The following FBXL13 variants were observed in gnomAD, a reference collection of about 807,000 sequenced individuals.
FBXL13 encodes the protein F-box and leucine-rich repeat protein 13.
A neutral mutation model predicts 83.6 loss-of-function variants in FBXL13; 67 were observed. That is an observed-to-expected ratio of 0.80 (90% CI 0.66 to 0.98). The LOEUF is 0.98. Among genes scored for constraint, FBXL13 ranks in the 50% least tolerant of loss-of-function variants. FBXL13 has a pLI of 0.00. For synonymous variants in FBXL13, 272 were observed against 299.5 expected, an observed-to-expected ratio of 0.91 and a Z score of 0.95; for missense variants, 822 against 866.5, an observed-to-expected ratio of 0.95 and a Z score of 0.64.
chr7:103,074,777 A>T, upstream of FBXL13: 1 of 1,289,274 alleles, frequency 7.8e-7, no homozygotes, highest in Non-Finnish European at 1.0e-6. Flanking sequence ...CCATGGCCCA[A>T]GGCCTGACGG....
rs181449781 is a variant in FBXL13 at position 102,882,066 on chromosome 7, G to A, written c.1388+1239C>T. ...ACCTGAAGCCAGGACTTTGAGACCT[G>A]CCTGGGCAATCTAGTGAGACCCCGA... On this transcript the variant is annotated intron_variant, in intron 14 of 19. Coordinates refer to ENST00000313221, the Ensembl canonical transcript of FBXL13. Among the ~76,000 whole-genome samples the A allele has an allele frequency of 3.5e-3, 536 of 152,240 alleles. 3 individuals are homozygous for A. The highest frequency in any genetic ancestry group is 0.012 in the African/African-American group (507 of 41,532).
chr7:103,002,476 G>T lies in FBXL13; in HGVS notation c.495+22587C>A, dbSNP rs559939241. On this transcript the variant is annotated intron_variant, in intron 6 of 19. Transcript: ENST00000313221. ...CACACTATTAGAAGATTTTGAATTT[G>T]TCTGAATACTTACTTTTGCCAGTGA... Among the ~76,000 whole-genome samples the T allele has an allele frequency of 2.0e-5, 3 of 152,260 alleles. No homozygotes were observed. The East Asian group carries it at 5.8e-4, about 29-fold the overall frequency.
downstream of FBXL13, among the ~76,000 whole-genome samples, chr7:102,811,211 C>CA (rs1797413185): frequency 1.3e-5 from 2 of 152,142 alleles, no homozygotes; most frequent in African/African-American, 2.4e-5. Flanking sequence ...CAGCAGTCAA[C>CA]TATATTTAAA....
chr7:103,044,338 T>C (rs570443573), intron 2 of FBXL13, among the ~76,000 whole-genome samples: 169 of 152,316 alleles, frequency 1.1e-3, no homozygotes, highest in African/African-American at 3.9e-3. Context: ...AATTCTGATT[T>C]GAACACAGCC....
At position 103,023,646 on chromosome 7, in the gene FBXL13, C is replaced by T. The variant is rs543057433; in HGVS notation, c.495+1417G>A. On this transcript the variant is annotated intron_variant, in intron 6 of 19. Coordinates refer to ENST00000313221, the Ensembl canonical transcript of FBXL13. ...GGTATATGCCCAAAGGAATATAAATCATTCTACCATAAAGACACATGCATG... is the reference window on the plus strand; with the variant it reads ...GGTATATGCCCAAAGGAATATAAATTATTCTACCATAAAGACACATGCATG... Among the ~76,000 whole-genome samples the T allele has an allele frequency of 3.9e-5, 6 of 152,322 alleles. No individual in the cohort carries two copies. In the East Asian group the frequency reaches 1.2e-3, roughly 29 times the overall value.
At chr7:102,882,155 G>A (rs1166013869) in intron 14 of FBXL13, among the ~76,000 whole-genome samples, 1 of 152,148 alleles carries the variant, frequency 6.6e-6, no homozygotes, top group African/African-American at 2.4e-5. Flanking sequence ...TAGCTACTTG[G>A]GAGGCTGAGG....
intron 6 of FBXL13, chr7:102,976,208 A>C: frequency 1.3e-6 from 1 of 760,760 alleles, no homozygotes; most frequent in South Asian, 1.3e-5. Flanking sequence ...CATCTGAGCC[A>C]AGGGTAACCC....
chr7:102,960,465 T>TCCTCC (rs1248159340), intron 8 of FBXL13, among the ~76,000 whole-genome samples: 1 of 151,746 alleles, frequency 6.6e-6, no homozygotes, highest in African/African-American at 2.4e-5. Context: ...AAAGAGGGAA[T>TCCTCC]CCTCCCTAAC....
intron 11 of FBXL13, among the ~76,000 whole-genome samples, chr7:102,899,384 C>CT (rs1812685903): frequency 6.6e-6 from 1 of 152,208 alleles, no homozygotes; most frequent in Non-Finnish European, 1.5e-5. Flanking sequence ...CATATCATCT[C>CT]TCTTCAAACA....
At chr7:102,855,341 A>AT (rs1805879636) in intron 16 of FBXL13, among the ~76,000 whole-genome samples, 2 of 152,234 alleles carry the variant, frequency 1.3e-5, no homozygotes, top group African/African-American at 4.8e-5. Flanking sequence ...ATAAAGGCCT[A>AT]GAGACAGATA....
chr7:102,871,813 C>A (rs1414055607), intron 16 of FBXL13, among the ~76,000 whole-genome samples: 2 of 152,154 alleles, frequency 1.3e-5, no homozygotes, highest in Non-Finnish European at 2.9e-5. Flanking sequence ...GTTTTAGCTA[C>A]TAAACATTCT....
At chr7:102,879,439 A>ATGTGTGTGTGTGTGTGTGTGTGTG (rs139051886) in intron 14 of FBXL13, among the ~76,000 whole-genome samples, 9 of 144,806 alleles carry the variant, frequency 6.2e-5, no homozygotes, top group African/African-American at 2.3e-4. Context: ...GCAGTTAAGG[A>ATGTGTGTGTGTGTGTGTGTGTGTG]TGTGTGTGTG....
intron 16 of FBXL13, among the ~76,000 whole-genome samples, chr7:102,860,376 C>G (rs1806630751): frequency 6.6e-6 from 1 of 152,084 alleles, no homozygotes; most frequent in African/African-American, 2.4e-5. Flanking sequence ...TTGAATCAAG[C>G]CTTAAAGATT....
intron 8 of FBXL13, among the ~76,000 whole-genome samples, chr7:102,961,476 A>G (rs1466992970): frequency 1.4e-5 from 2 of 144,506 alleles, no homozygotes; most frequent in African/African-American, 2.6e-5. Flanking sequence ...ACAGAATTGG[A>G]AAAAACTACT....
At chr7:102,873,861 T>C (rs1310265978) in intron 16 of FBXL13, among the ~76,000 whole-genome samples, 2 of 152,230 alleles carry the variant, frequency 1.3e-5, no homozygotes, top group Non-Finnish European at 2.9e-5. Flanking sequence ...ACCTTTCTTC[T>C]CTGGGAAAAG....
Position 102,951,209 on chromosome 7 carries a change from G to A in FBXL13, c.724+12324C>T, listed in dbSNP as rs139225018. Reference sequence around the variant, plus strand: ...TGGCTGGGCACAGTGGCTCACACCCGTAATCCTAGCAGTTTGAGAGGCCAA... The same window carrying A: ...TGGCTGGGCACAGTGGCTCACACCCATAATCCTAGCAGTTTGAGAGGCCAA... On this transcript the variant is annotated intron_variant, in intron 8 of 19. Coordinates refer to ENST00000313221, the Ensembl canonical transcript of FBXL13. Among the ~76,000 whole-genome samples, 596 of 151,832 alleles carry A rather than the reference G, an allele frequency of 3.9e-3. 5 individuals carry two copies. The highest frequency in any genetic ancestry group is 0.014 in the African/African-American group (580 of 41,400).
intron 16 of FBXL13, among the ~76,000 whole-genome samples, chr7:102,868,486 G>T (rs1239104336): frequency 6.6e-6 from 1 of 152,082 alleles, no homozygotes; most frequent in African/African-American, 2.4e-5. Context: ...CAAATGAAAA[G>T]ATTTCACTCT....
At chr7:102,814,712 A>G (rs1486864046) in intron 19 of FBXL13, among the ~76,000 whole-genome samples, 4 of 152,230 alleles carry the variant, frequency 2.6e-5, no homozygotes, top group East Asian at 1.9e-4. Context: ...ATCCCTATGG[A>G]CTAAAACTTG....
At chr7:103,027,669 C>T in intron 4 of FBXL13, 111 bp from the exon 6 acceptor site, 2 of 637,528 alleles carry the variant, frequency 3.1e-6, no homozygotes, top group Non-Finnish European at 5.0e-6. Flanking sequence ...CGCATCTGAT[C>T]GTTTTTGTTT....
Sources: gnomAD v4.1 joint callset for allele counts (sites outside exome capture counted in the v4.1 genomes callset) on GRCh38, gnomAD v4.1.1 for gene constraint, MANE v1.5 for transcripts, NCBI Gene and HGNC (gene_info 2026-07-23, HGNC 2026-07-21) for gene names.